Variants in NINJ2 observed in about 807,000 individuals in gnomAD.
NINJ2 encodes the protein ninjurin-2.
A neutral mutation model predicts 11.7 loss-of-function variants in NINJ2; 12 were observed. That is an observed-to-expected ratio of 1.02 (90% confidence interval 0.66 to 1.66). The LOEUF (loss-of-function observed/expected upper bound fraction) is 1.66. Among genes scored for constraint, NINJ2 ranks in the 40% most tolerant of loss-of-function variants. NINJ2 has a pLI of 0.00. For synonymous variants in NINJ2, 93 were observed against 76.8 expected (o/e 1.21, Z -1.10); for missense variants, 187 against 181.8 (o/e 1.03, Z -0.16).
intron 1 of NINJ2, among the ~76,000 whole-genome samples, chr12:576,882 C>A (rs1947469154): frequency 6.6e-6 from 1 of 152,214 alleles, no homozygotes; most frequent in African/African-American, 2.4e-5. Context: ...ACCCATCTGG[C>A]CTTTTGCTCT....
intron 1 of NINJ2, among the ~76,000 whole-genome samples, chr12:613,095 G>A (rs1213668633): frequency 6.6e-6 from 1 of 152,168 alleles, no homozygotes; most frequent in Admixed American, 6.5e-5. Context: ...CCCCAGCCCA[G>A]CACTCCCAGG....
Position 629,896 on chromosome 12 carries a change from A to AAAAAAAAAAAAAAAAAACTAT in NINJ2, c.33+33431_33+33432insATAGTTTTTTTTTTTTTTTTT. On this transcript the variant is annotated intron_variant, in intron 1 of 3. Transcript: ENST00000305108. ...GAGCAAAACTCAAAAAAAAAAAAAA[A>AAAAAAAAAAAAAAAAAACTAT]ATATATATATATATATATATATATA... Among the ~76,000 whole-genome samples the AAAAAAAAAAAAAAAAAACTAT allele has an allele frequency of 2.0e-4, 2 of 9,892 alleles. 1 individual carries two copies. The highest frequency in any genetic ancestry group is 0.037 in the South Asian group (2 of 54). The allele number at this position is 9,892 out of a possible 152,430, so 6.5% of individuals were successfully genotyped here. A position where few individuals can be genotyped will look rare whatever the true frequency, so the allele number is the denominator to read the frequency against.
intron 1 of NINJ2, among the ~76,000 whole-genome samples, chr12:605,324 C>T (rs1050362351): frequency 1.3e-5 from 2 of 152,228 alleles, no homozygotes; most frequent in African/African-American, 4.8e-5. Context: ...ACTTTCATTC[C>T]TGAAAACTGG....
At chr12:589,458 A>G (rs1487819707) in intron 1 of NINJ2, 1 of 152,240 alleles carries the variant, frequency 6.6e-6, no homozygotes, top group East Asian at 1.9e-4. Context: ...AGGAATTTCT[A>G]TCACACTAAA....
rs536193839 is a variant in NINJ2, at chr12:578,292, C to T, written c.34-12114G>A. On this transcript the variant is annotated intron_variant, in intron 1 of 3. Coordinates refer to ENST00000305108, the MANE Select transcript of NINJ2 (RefSeq NM_016533.6). The stretch of plus-strand genomic sequence containing the variant: ...TGTGAATCTTGCCAAAGCTCCTGGC[C>T]GAATAAAGCCCTTCTTTCTTTAACT... Among the ~76,000 whole-genome samples, 10 of 152,220 alleles carry T rather than the reference C, an allele frequency of 6.6e-5. No homozygotes were observed. The East Asian group carries it at 7.7e-4, about 12-fold the overall frequency.
intron 1 of NINJ2, among the ~76,000 whole-genome samples, chr12:630,067 GCC>G (rs1948260555): frequency 6.6e-6 from 1 of 151,134 alleles, no homozygotes; most frequent in Admixed American, 6.6e-5. Flanking sequence ...GCACTCTTCA[GCC>G]CCTGCTGTCA....
chr12:649,032 A>ATCTC (rs1555167448), intron 1 of NINJ2, among the ~76,000 whole-genome samples: 6 of 149,302 alleles, frequency 4.0e-5, no homozygotes, highest in African/African-American at 1.5e-4. Flanking sequence ...CTATCTATCT[A>ATCTC]TCTCAAGTGA....
intron 1 of NINJ2, among the ~76,000 whole-genome samples, chr12:654,787 G>A (rs1315756725): frequency 6.6e-6 from 1 of 151,620 alleles, no homozygotes; most frequent in African/African-American, 2.4e-5. Context: ...AGCTGCTCGG[G>A]AGGCTGAGGC....
intron 1 of NINJ2, among the ~76,000 whole-genome samples, chr12:615,519 C>T (rs550436025): frequency 2.7e-5 from 4 of 150,648 alleles, no homozygotes; most frequent in Middle Eastern, 3.4e-3. Flanking sequence ...ACCTGGGAGC[C>T]GGAGGTTGCA....
chr12:567,584 G>A (rs887491639), intron 1 of NINJ2, among the ~76,000 whole-genome samples: 4 of 152,150 alleles, frequency 2.6e-5, no homozygotes, highest in South Asian at 2.1e-4. Flanking sequence ...CTTGTACTTC[G>A]TGCAGCCCCA....
intron 1 of NINJ2, among the ~76,000 whole-genome samples, chr12:626,545 G>A (rs1373014184): frequency 1.3e-5 from 2 of 152,156 alleles, no homozygotes; most frequent in East Asian, 3.8e-4. Context: ...GATGCACTAA[G>A]TGCCACAGGG....
chr12:658,857 A>C (rs1195938139), intron 1 of NINJ2, among the ~76,000 whole-genome samples: 1 of 151,968 alleles, frequency 6.6e-6, no homozygotes, highest in Non-Finnish European at 1.5e-5. Flanking sequence ...GTGTCAATGT[A>C]AGGCTCATCG....
intron 1 of NINJ2, among the ~76,000 whole-genome samples, chr12:578,497 T>C (rs1947501343): frequency 6.6e-6 from 1 of 152,032 alleles, no homozygotes; most frequent in South Asian, 2.1e-4. Flanking sequence ...AAAACGTTTT[T>C]TGTAGGAATG....
intron 1 of NINJ2, among the ~76,000 whole-genome samples, chr12:577,924 G>A (rs1369752372): frequency 6.6e-6 from 1 of 151,680 alleles, no homozygotes; most frequent in East Asian, 1.9e-4. Flanking sequence ...TAAGGGAGGA[G>A]ACCATCCCTC....
intron 1 of NINJ2, among the ~76,000 whole-genome samples, chr12:608,778 C>A (rs1202016732): frequency 6.6e-6 from 1 of 152,176 alleles, no homozygotes; most frequent in Non-Finnish European, 1.5e-5. Context: ...CTGGATTCTA[C>A]GTCCTGATGC....
At chr12:657,744 G>T (rs903695948) in intron 1 of NINJ2, among the ~76,000 whole-genome samples, 1 of 152,062 alleles carries the variant, frequency 6.6e-6, no homozygotes, top group African/African-American at 2.4e-5. Flanking sequence ...ACAAAAATGG[G>T]ATATCACTGC....
chr12:629,896 A>AAAAAAAAAATATATATAT, intron 1 of NINJ2, among the ~76,000 whole-genome samples: 3 of 9,902 alleles, frequency 3.0e-4, no homozygotes, highest in Non-Finnish European at 4.7e-4. Context: ...AAAAAAAAAA[A>AAAAAAAAAATATATATAT]ATATATATAT....
intron 1 of NINJ2, among the ~76,000 whole-genome samples, chr12:595,228 T>G (rs1265767583): frequency 6.6e-6 from 1 of 152,082 alleles, no homozygotes; most frequent in African/African-American, 2.4e-5. Context: ...AACACAAAAC[T>G]ATAAAACTCC....
chr12:569,320 GCC>G (rs1947345762), intron 1 of NINJ2, among the ~76,000 whole-genome samples: 1 of 152,228 alleles, frequency 6.6e-6, no homozygotes, highest in Non-Finnish European at 1.5e-5. Context: ...TGTGGTCTTA[GCC>G]CATTTGGTGA....
Sources: allele counts gnomAD v4.1 joint callset (sites outside exome capture counted in the v4.1 genomes callset), GRCh38; gene constraint gnomAD v4.1.1; transcripts MANE v1.5; gene names NCBI Gene and HGNC (gene_info 2026-07-23, HGNC 2026-07-21).